Variants in BABAM2 observed in about 807,000 individuals in gnomAD.
The protein encoded by BABAM2 is BRISC and BRCA1-A complex member 2.
Under a neutral mutation model 54.7 loss-of-function variants are expected in BABAM2, and 31 were observed. The ratio of observed to expected loss-of-function variants is 0.57; its 90% CI spans 0.43 to 0.77. The LOEUF (loss-of-function observed/expected upper bound fraction) is 0.77, where lower values mean the gene tolerates loss of function less well. BABAM2 is among the 30% of genes least tolerant of loss of function. The pLI, the probability that BABAM2 is intolerant of heterozygous loss-of-function variation, is 0.00. For synonymous variants in BABAM2, 167 were observed against 162.9 expected (o/e 1.03, Z -0.19); for missense variants, 364 against 455.8 (o/e 0.80, Z 1.83).
intron 11 of BABAM2, among the ~76,000 whole-genome samples, chr2:28,334,210 A>T (rs1467817900): frequency 6.6e-6 from 1 of 152,266 alleles, no homozygotes; most frequent in Non-Finnish European, 1.5e-5. Context: ...CTTGCCTTTA[A>T]AACGTGCTCC....
intron 7 of BABAM2, among the ~76,000 whole-genome samples, chr2:28,174,621 A>G (rs1674718843): frequency 6.6e-6 from 1 of 152,190 alleles, no homozygotes; most frequent in Non-Finnish European, 1.5e-5. Context: ...TTTCCACCAC[A>G]GAGTCCTGCA....
chr2:28,198,812 G>A (rs1677922729), intron 7 of BABAM2, among the ~76,000 whole-genome samples: 1 of 152,122 alleles, frequency 6.6e-6, no homozygotes. Context: ...GATACAAGTG[G>A]GAGGGGAAAA....
chr2:28,249,644 A>G (rs1683259372), intron 10 of BABAM2, among the ~76,000 whole-genome samples: 1 of 152,106 alleles, frequency 6.6e-6, no homozygotes, highest in African/African-American at 2.4e-5. Flanking sequence ...CTCATATGTT[A>G]TATGTCTTGG....
At chr2:27,940,457 G>T (rs2148379813) in intron 3 of BABAM2, among the ~76,000 whole-genome samples, 1 of 152,326 alleles carries the variant, frequency 6.6e-6, no homozygotes, top group African/African-American at 2.4e-5. Context: ...TTTGTGGAAA[G>T]AATGAGCCGT....
intron 2 of BABAM2, among the ~76,000 whole-genome samples, chr2:27,919,877 A>T (rs1262011935): frequency 6.6e-6 from 1 of 152,208 alleles, no homozygotes; most frequent in Non-Finnish European, 1.5e-5. Context: ...ATAAATGGAG[A>T]TATGGCATAG....
chr2:28,008,379 G>C (rs1674126348), intron 4 of BABAM2, among the ~76,000 whole-genome samples: 1 of 152,110 alleles, frequency 6.6e-6, no homozygotes, highest in Non-Finnish European at 1.5e-5. Context: ...TGTAGCAGGG[G>C]CTACGAACTC....
At chr2:28,186,375 A>G (rs1676279264) in intron 7 of BABAM2, among the ~76,000 whole-genome samples, 1 of 152,206 alleles carries the variant, frequency 6.6e-6, no homozygotes, top group South Asian at 2.1e-4. Context: ...ATTCACAAGT[A>G]TGTGGTATGA....
chr2:28,327,090 T>C (rs1433206955), intron 11 of BABAM2, among the ~76,000 whole-genome samples: 1 of 152,236 alleles, frequency 6.6e-6, no homozygotes. Context: ...AGGGAGCTTC[T>C]TCCAGGGTGT....
At chr2:28,234,311 G>A (rs980594608) in intron 7 of BABAM2, among the ~76,000 whole-genome samples, 3 of 152,102 alleles carry the variant, frequency 2.0e-5, no homozygotes, top group African/African-American at 4.8e-5. Flanking sequence ...GGTAGTGACC[G>A]AAGCAGGGTG....
intron 2 of BABAM2, among the ~76,000 whole-genome samples, chr2:27,902,922 TGTGA>T (rs1008267078): frequency 1.5e-4 from 23 of 151,740 alleles, no homozygotes; most frequent in African/African-American, 3.6e-4. Context: ...TGTGTGTGTG[TGTGA>T]GAGAGAGAGA....
At position 28,304,551 on chromosome 2, in the gene BABAM2, AT is replaced by A. The variant is rs1400863016; in HGVS notation, c.1088+6066del. Among the ~76,000 whole-genome samples, 3 of 151,722 alleles carry A rather than the reference AT, an allele frequency of 2.0e-5. No individual in the cohort carries two copies. The highest frequency in any genetic ancestry group is 2.0e-4 in the Admixed American group (3 of 15,218). On this transcript the variant is annotated intron_variant, in intron 11 of 11. Coordinates refer to ENST00000379624, the MANE Select transcript of BABAM2 (RefSeq NM_199191.3). The surrounding 1 kb of genome is among the most constrained non-coding windows in gnomAD (Gnocchi z 4.0). ...ACTTATTACTACTAAAATCTAATAG[AT>A]TTTTTAAATAGATTTCTTATAATTT...
chr2:28,327,385 C>CAGAGGGCCTCCTT, intron 11 of BABAM2: 1 of 1,613,548 alleles, frequency 6.2e-7, no homozygotes, highest in Non-Finnish European at 8.5e-7. Context: ...GGCCAAGCTC[C>CAGAGGGCCTCCTT]AGAGGGCCTC....
At chr2:28,060,261 C>G (rs2148638442) in intron 6 of BABAM2, among the ~76,000 whole-genome samples, 1 of 152,170 alleles carries the variant, frequency 6.6e-6, no homozygotes, top group Admixed American at 6.5e-5. Context: ...GTGATTATCT[C>G]AATAGACATA....
intron 6 of BABAM2, among the ~76,000 whole-genome samples, chr2:28,102,443 G>A (rs1365194513): frequency 6.6e-6 from 1 of 152,136 alleles, no homozygotes; most frequent in Non-Finnish European, 1.5e-5. Flanking sequence ...GTGACATAGA[G>A]ATCCACTTTT....
chr2:28,266,798 G>A (rs1336148049), intron 10 of BABAM2, among the ~76,000 whole-genome samples: 1 of 152,218 alleles, frequency 6.6e-6, no homozygotes, highest in Non-Finnish European at 1.5e-5. Flanking sequence ...TACCATATAA[G>A]TCTTTCATGG....
intron 4 of BABAM2, among the ~76,000 whole-genome samples, chr2:28,009,669 G>A (rs1674249305): frequency 6.6e-6 from 1 of 152,072 alleles, no homozygotes; most frequent in African/African-American, 2.4e-5. Flanking sequence ...GAAAGAACTG[G>A]TGAGGAATGG....
intron 3 of BABAM2, among the ~76,000 whole-genome samples, chr2:27,941,041 T>A (rs1668838767): frequency 6.6e-6 from 1 of 152,158 alleles, no homozygotes; most frequent in Non-Finnish European, 1.5e-5. Context: ...GAGTTTAAAT[T>A]CCTGGGAGAG....
chr2:28,219,889 G>A (rs1394687884), intron 7 of BABAM2, among the ~76,000 whole-genome samples: 1 of 152,156 alleles, frequency 6.6e-6, no homozygotes, highest in Non-Finnish European at 1.5e-5. Context: ...AAGCTGTGCT[G>A]CTGCTGGCTG....
chr2:28,212,102 G>T (rs768396511), intron 7 of BABAM2, among the ~76,000 whole-genome samples: 1 of 152,082 alleles, frequency 6.6e-6, no homozygotes, highest in Non-Finnish European at 1.5e-5. Flanking sequence ...TATTCTAGAA[G>T]TTCCTGCCTA....
Sources: allele counts gnomAD v4.1 joint callset (sites outside exome capture counted in the v4.1 genomes callset), GRCh38; gene constraint gnomAD v4.1.1; non-coding constraint Gnocchi (gnomAD v3.1); transcripts MANE v1.5; gene names NCBI Gene and HGNC (gene_info 2026-07-23, HGNC 2026-07-21).